CFAP299: variants seen among roughly 807,000 people sequenced by gnomAD.
CFAP299 encodes the protein cilia and flagella associated protein 299, also known as cilia- and flagella-associated protein 299.
Under a neutral mutation model 27.0 loss-of-function variants are expected in CFAP299, and 21 were observed. The observed-to-expected ratio is 0.78, with a 90% CI of 0.55 to 1.12. The LOEUF (loss-of-function observed/expected upper bound fraction) is 1.12. Among genes scored for constraint, CFAP299 ranks in the 50% most tolerant of loss-of-function variants. The pLI is 0.00. For synonymous variants in CFAP299, 104 were observed against 98.1 expected, an observed-to-expected ratio of 1.06 and a Z score of -0.36; for missense variants, 310 against 276.6, an observed-to-expected ratio of 1.12 and a Z score of -0.86.
chr4:80,645,287 A>C (rs187422120), intron 3 of CFAP299, among the ~76,000 whole-genome samples: 1 of 152,122 alleles, frequency 6.6e-6, no homozygotes, highest in Non-Finnish European at 1.5e-5. Context: ...TGCATGGAGT[A>C]TAGAGTTGCA....
intron 3 of CFAP299, among the ~76,000 whole-genome samples, chr4:80,587,397 A>AT (rs1736504486): frequency 6.6e-6 from 1 of 152,124 alleles, no homozygotes; most frequent in African/African-American, 2.4e-5. Context: ...AGCGAAGGTT[A>AT]TGGAGTCATC....
chr4:80,952,846 C>T (rs556273753), intron 5 of CFAP299, among the ~76,000 whole-genome samples: 57 of 152,188 alleles, frequency 3.7e-4, no homozygotes, highest in African/African-American at 1.3e-3. Flanking sequence ...TTTAATGCCA[C>T]CTCTGCTTCT....
At chr4:80,619,469 T>C (rs970000578) in intron 3 of CFAP299, among the ~76,000 whole-genome samples, 4 of 152,158 alleles carry the variant, frequency 2.6e-5, no homozygotes, top group Admixed American at 2.6e-4. Flanking sequence ...TTTATTATTC[T>C]CTTCACTACT....
At chr4:80,709,327 G>C (rs1722004496) in intron 3 of CFAP299, among the ~76,000 whole-genome samples, 1 of 151,982 alleles carries the variant, frequency 6.6e-6, no homozygotes, top group South Asian at 2.1e-4. Context: ...AAAGTATAAA[G>C]ACAAAAAAAA....
intron 3 of CFAP299, among the ~76,000 whole-genome samples, chr4:80,868,241 T>C (rs1301325605): frequency 6.6e-6 from 1 of 152,068 alleles, no homozygotes; most frequent in Non-Finnish European, 1.5e-5. Flanking sequence ...TCTTTGATTA[T>C]TATTTTTTCT....
intron 5 of CFAP299, among the ~76,000 whole-genome samples, chr4:80,946,105 A>G (rs1578259224): frequency 6.6e-6 from 1 of 152,072 alleles, no homozygotes; most frequent in South Asian, 2.1e-4. Flanking sequence ...CTCAAAAAAA[A>G]AAAAAAATGC....
chr4:80,896,788 A>G (rs2110191439), intron 4 of CFAP299, among the ~76,000 whole-genome samples: 1 of 152,296 alleles, frequency 6.6e-6, no homozygotes, highest in Middle Eastern at 3.4e-3. Flanking sequence ...TGCTTATAAC[A>G]CAATGGCTCA....
At chr4:80,621,144 A>C (rs1292750531) in intron 3 of CFAP299, among the ~76,000 whole-genome samples, 1 of 152,098 alleles carries the variant, frequency 6.6e-6, no homozygotes, top group African/African-American at 2.4e-5. Flanking sequence ...TATATAACAA[A>C]AAATAGAATT....
At chr4:80,798,800 G>A (rs1728022701) in intron 3 of CFAP299, among the ~76,000 whole-genome samples, 2 of 151,902 alleles carry the variant, frequency 1.3e-5, no homozygotes, top group African/African-American at 4.8e-5. Context: ...AACGTTTTAT[G>A]TATAGAGTCA....
At chr4:80,632,600 G>A (rs1339379326) in intron 3 of CFAP299, among the ~76,000 whole-genome samples, 2 of 152,124 alleles carry the variant, frequency 1.3e-5, no homozygotes, top group Non-Finnish European at 2.9e-5. Context: ...TTTAATAATG[G>A]CATGCAGAGG....
At position 80,963,625 on chromosome 4, in the gene CFAP299, T is replaced by C. The variant is rs1560495162; in HGVS notation, c.*13T>C. On this transcript the variant is annotated 3_prime_UTR_variant, in exon 6 of 6. Coordinates refer to ENST00000358105, the MANE Select transcript of CFAP299 (RefSeq NM_152770.3). ...AAGGAAGACTTAAGTACCAACATGT[T>C]AATTTCCTAATAATTTGCTAAATTT... 2.7e-6 allele frequency: 4 copies of C among 1,504,324 alleles called. No individual in the cohort carries two copies. The allele number at this position is 1,504,324 out of a possible 1,614,324, so 93.2% of individuals were successfully genotyped here.
Position 80,418,979 on chromosome 4 carries a change from A to G in CFAP299, c.242+56095A>G, listed in dbSNP as rs138883181. ...ATGGGAGTGCAGATATCTCTTTGAT[A>G]TACTGATTTCCCTTCTTTTTGGTGT... On this transcript the variant is annotated intron_variant, in intron 2 of 5. Coordinates refer to ENST00000358105, the MANE Select transcript of CFAP299 (RefSeq NM_152770.3). 3.2e-4 allele frequency among the ~76,000 whole-genome samples: 49 copies of G among 152,282 alleles called. No homozygotes were observed. The East Asian group carries it at 8.9e-3, about 28-fold the overall frequency.
Position 80,679,744 on chromosome 4 carries a change from T to G in CFAP299, c.333+96561T>G, listed in dbSNP as rs1411283458. On this transcript the variant is annotated intron_variant, in intron 3 of 5. Transcript: ENST00000358105. Reference sequence around the variant, plus strand: ...TTTAGTGAATAATCTGTGTGTGGGTTTTTTTTTTTTTTGCTTTGTTTTTTG... The same window carrying G: ...TTTAGTGAATAATCTGTGTGTGGGTGTTTTTTTTTTTTGCTTTGTTTTTTG... Among the ~76,000 whole-genome samples, 18 of 3,436 alleles carry G rather than the reference T, an allele frequency of 5.2e-3. No individual in the cohort carries two copies. In the East Asian group the frequency reaches 0.39, roughly 75 times the overall value. 2.3% of individuals were successfully genotyped at this position (3,436 alleles called of 152,430 possible).
At chr4:80,737,690 G>A (rs548781507) in intron 3 of CFAP299, among the ~76,000 whole-genome samples, 5 of 150,918 alleles carry the variant, frequency 3.3e-5, no homozygotes, top group South Asian at 2.1e-4. Context: ...TCTGGATGAA[G>A]GTTTATCAAC....
intron 3 of CFAP299, among the ~76,000 whole-genome samples, chr4:80,838,810 A>AT (rs1252906507): frequency 6.6e-6 from 1 of 151,862 alleles, no homozygotes; most frequent in Admixed American, 6.6e-5. Flanking sequence ...AAGTCAATGT[A>AT]TTTTTTAACC....
At chr4:80,652,040 C>T (rs879880346) in intron 3 of CFAP299, among the ~76,000 whole-genome samples, 3 of 152,000 alleles carry the variant, frequency 2.0e-5, no homozygotes, top group Non-Finnish European at 4.4e-5. Flanking sequence ...ACAGAAGAAA[C>T]AATTCTCAGG....
intron 4 of CFAP299, among the ~76,000 whole-genome samples, chr4:80,938,153 G>T (rs186369267): frequency 6.6e-6 from 1 of 152,180 alleles, no homozygotes; most frequent in African/African-American, 2.4e-5. Context: ...CATTAAAAAT[G>T]ACCCTTACAT....
chr4:80,704,527 C>A (rs1346246068), intron 3 of CFAP299, among the ~76,000 whole-genome samples: 1 of 151,712 alleles, frequency 6.6e-6, no homozygotes, highest in Non-Finnish European at 1.5e-5. Context: ...ATATTTTGTT[C>A]ATGCCTATGG....
chr4:80,789,950 A>G (rs1727455274), intron 3 of CFAP299, among the ~76,000 whole-genome samples: 1 of 152,168 alleles, frequency 6.6e-6, no homozygotes, highest in South Asian at 2.1e-4. Flanking sequence ...ATAAGTGTTA[A>G]TATATCTACT....
Sources: gnomAD v4.1 joint callset for allele counts (sites outside exome capture counted in the v4.1 genomes callset) on GRCh38, gnomAD v4.1.1 for gene constraint, MANE v1.5 for transcripts, NCBI Gene and HGNC (gene_info 2026-07-23, HGNC 2026-07-21) for gene names.